The following CTNNA3 variants were observed in gnomAD, a reference collection of about 807,000 sequenced individuals.
CTNNA3 encodes catenin alpha 3, also known as catenin alpha-3.
In CTNNA3, 76 loss-of-function variants were observed where a neutral mutation model predicts 95.7. The observed-to-expected ratio is 0.79, with a 90% CI of 0.66 to 0.96. CTNNA3 has a LOEUF of 0.96. CTNNA3 is among the 40% of genes least tolerant of loss of function. The probability of loss-of-function intolerance (pLI) is 0.00; values close to 1 mark genes in which losing one functional copy is unlikely to be tolerated. For synonymous variants in CTNNA3, 431 were observed against 374.4 expected, an observed-to-expected ratio of 1.15 and a Z score of -1.74; for missense variants, 1,191 against 1,089.8, an observed-to-expected ratio of 1.09 and a Z score of -1.31.
intron 7 of CTNNA3, among the ~76,000 whole-genome samples, chr10:66,932,482 T>C (rs1847458638): frequency 6.6e-6 from 1 of 152,150 alleles, no homozygotes; most frequent in Admixed American, 6.5e-5. Flanking sequence ...TCCTTTTTGC[T>C]CTGGATTCTC....
At chr10:67,440,583 C>T (rs1846468180) in intron 5 of CTNNA3, among the ~76,000 whole-genome samples, 1 of 152,056 alleles carries the variant, frequency 6.6e-6, no homozygotes, top group African/African-American at 2.4e-5. Context: ...GTATTGGTGG[C>T]CACAGGGGGG....
At chr10:67,425,441 G>C (rs1257347566) in intron 5 of CTNNA3, among the ~76,000 whole-genome samples, 9 of 151,828 alleles carry the variant, frequency 5.9e-5, no homozygotes. Flanking sequence ...GCAGAAAATA[G>C]GAAATTATTA....
chr10:66,624,559 T>C (rs751876117), intron 9 of CTNNA3, among the ~76,000 whole-genome samples: 4 of 152,078 alleles, frequency 2.6e-5, no homozygotes, highest in Admixed American at 2.0e-4. Context: ...TGAGTCTAGA[T>C]TGAACTCAGT....
At chr10:66,773,862 G>C (rs1479701677) in intron 8 of CTNNA3, among the ~76,000 whole-genome samples, 1 of 152,174 alleles carries the variant, frequency 6.6e-6, no homozygotes, top group Non-Finnish European at 1.5e-5. Flanking sequence ...GGAAATACAA[G>C]TAGGATTGCA....
At chr10:66,912,479 A>C (rs1032237359) in intron 7 of CTNNA3, among the ~76,000 whole-genome samples, 5 of 152,164 alleles carry the variant, frequency 3.3e-5, no homozygotes, top group African/African-American at 1.2e-4. Context: ...TTTAGAAGAA[A>C]CATTGGGCTC....
At chr10:67,606,082 A>G (rs886686431) in intron 3 of CTNNA3, among the ~76,000 whole-genome samples, 1 of 152,216 alleles carries the variant, frequency 6.6e-6, no homozygotes, top group African/African-American at 2.4e-5. Context: ...TCTTAAAGTT[A>G]CGTTGGGGGA....
rs1476491167 is a variant in CTNNA3, at chr10:66,568,374, CA to C, written c.1375-47602del. 3.3e-5 allele frequency among the ~76,000 whole-genome samples: 5 copies of C among 152,190 alleles called. No homozygotes were observed. In the East Asian group the frequency reaches 9.7e-4, roughly 29 times the overall value. ...AACATTTGTATCCAAAATGAGAAAA[CA>C]CTAGAGAAATATGAAAATAAGGCAA... On this transcript the variant is annotated intron_variant, in intron 10 of 17. Transcript: ENST00000433211.
At chr10:67,518,482 A>G (rs184678512) in intron 5 of CTNNA3, among the ~76,000 whole-genome samples, 2 of 152,302 alleles carry the variant, frequency 1.3e-5, no homozygotes, top group East Asian at 1.9e-4. Flanking sequence ...TCCAACATGC[A>G]TGCAGGTCTG....
chr10:66,548,856 G>A (rs572508839), intron 10 of CTNNA3, among the ~76,000 whole-genome samples: 1 of 150,686 alleles, frequency 6.6e-6, no homozygotes, highest in East Asian at 1.9e-4. Flanking sequence ...GGATTTTTTT[G>A]CTAATATTTA....
intron 12 of CTNNA3, among the ~76,000 whole-genome samples, chr10:66,371,119 C>A (rs1456413549): frequency 6.6e-6 from 1 of 152,044 alleles, no homozygotes; most frequent in Admixed American, 6.6e-5. Flanking sequence ...GTACCCATTC[C>A]GTTGGATTTA....
At chr10:67,124,462 A>G (rs1859620076) in intron 7 of CTNNA3, among the ~76,000 whole-genome samples, 1 of 151,838 alleles carries the variant, frequency 6.6e-6, no homozygotes, top group Non-Finnish European at 1.5e-5. Context: ...ACAAAAAATC[A>G]ATTTCTAGAT....
intron 12 of CTNNA3, among the ~76,000 whole-genome samples, chr10:66,329,152 T>G (rs1049682980): frequency 6.6e-6 from 1 of 151,460 alleles, no homozygotes; most frequent in Admixed American, 6.6e-5. Flanking sequence ...GGTTTCACCA[T>G]ATCGGCCAGG....
At chr10:67,262,614 G>A (rs957454248) in intron 5 of CTNNA3, among the ~76,000 whole-genome samples, 2 of 152,058 alleles carry the variant, frequency 1.3e-5, no homozygotes, top group Admixed American at 6.6e-5. Flanking sequence ...AACCGAAACC[G>A]CTTTAAACAG....
intron 7 of CTNNA3, among the ~76,000 whole-genome samples, chr10:67,157,260 C>T (rs375646009): frequency 2.0e-5 from 3 of 151,998 alleles, no homozygotes; most frequent in East Asian, 1.9e-4. Flanking sequence ...ACCAACAAAA[C>T]GTATCAGTAA....
At chr10:67,596,310 G>C (rs1466896265) in intron 3 of CTNNA3, among the ~76,000 whole-genome samples, 1 of 152,096 alleles carries the variant, frequency 6.6e-6, no homozygotes, top group African/African-American at 2.4e-5. Flanking sequence ...ATTTATACCT[G>C]AGGTTGCAAT....
intron 7 of CTNNA3, among the ~76,000 whole-genome samples, chr10:66,932,356 T>C (rs1847451510): frequency 6.6e-6 from 1 of 152,172 alleles, no homozygotes. Flanking sequence ...TGGATTAGAC[T>C]GCATCAGAAA....
intron 12 of CTNNA3, among the ~76,000 whole-genome samples, chr10:66,360,358 G>A (rs10822823): frequency 0.96 from 145,363 of 152,200 alleles, 69,766 homozygotes; most frequent in East Asian, 1. Context: ...TATCTTCATT[G>A]TAGGAAAGGC....
chr10:67,505,042 C>T (rs1315843503), intron 5 of CTNNA3, among the ~76,000 whole-genome samples: 1 of 152,170 alleles, frequency 6.6e-6, no homozygotes, highest in Non-Finnish European at 1.5e-5. Flanking sequence ...ACAAAAACTT[C>T]CTGTCTGATT....
At chr10:65,948,601 T>C (rs1670140) in intron 17 of CTNNA3, among the ~76,000 whole-genome samples, 28,299 of 151,954 alleles carry the variant, frequency 0.19, 2,794 homozygotes, top group South Asian at 0.28. Context: ...GGTCATATTA[T>C]TACCACAAAT....
Sources: gnomAD v4.1 joint callset for allele counts (sites outside exome capture counted in the v4.1 genomes callset) on GRCh38, gnomAD v4.1.1 for gene constraint, MANE v1.5 for transcripts, NCBI Gene and HGNC (gene_info 2026-07-23, HGNC 2026-07-21) for gene names.